The following OTOG variants were observed in gnomAD, a reference collection of about 807,000 sequenced individuals.
OTOG encodes otogelin.
OTOG carries 296 observed loss-of-function variants against 313.8 expected under a neutral mutation model. The ratio of observed to expected loss-of-function variants is 0.94; its 90% CI spans 0.86 to 1.04. OTOG has a LOEUF of 1.04. Ranked by LOEUF, OTOG falls within the 50% of genes least tolerant of loss-of-function variation. OTOG has a pLI of 0.00. For missense variants in OTOG, 3,948 were observed against 3,840.1 expected (o/e 1.03, Z -0.74); for synonymous variants, 1,533 against 1,554.9 (o/e 0.99, Z 0.33).
chr11:17,577,931 CT>C (rs1050190881), intron 22 of OTOG, among the ~76,000 whole-genome samples: 2 of 152,170 alleles, frequency 1.3e-5, no homozygotes, highest in African/African-American at 4.8e-5. Flanking sequence ...TCAGAGTCCT[CT>C]GGCCCCCTGC....
In OTOG at chr11:17,610,814, G is replaced by C; in HGVS notation, c.5514G>C (p.Thr1838=). 6.4e-7 allele frequency: 1 copy of C among 1,550,782 alleles called. No individual in the cohort carries two copies. Among genetic ancestry groups the C allele is most frequent in the Non-Finnish European group, 8.7e-7 (1 of 1,147,016 alleles). The part of the protein sequence containing the change: ...VITTPLQPQA[T]TLPAQTLSPV... ...CCACTCCACTCCAGCCACAGGCCACGACTCTGCCTGCTCAGACACTTAGCC... is the reference window on the plus strand; with the variant it reads ...CCACTCCACTCCAGCCACAGGCCACCACTCTGCCTGCTCAGACACTTAGCC... The change falls in exon 36 of 56, where the codon ACG becomes ACC. Residue 1838 remains threonine (T), a synonymous_variant. Transcript: ENST00000399397.
rs868469656 is a variant in OTOG, at chr11:17,572,026, G to T, written c.1956-54G>T. On this transcript the variant is annotated intron_variant, in intron 17 of 55. Coordinates refer to ENST00000399397, the MANE Select transcript of OTOG (RefSeq NM_001292063.2). ...TGTTACCTGGATCTATGCTATTTGT[G>T]CCCCCTGAGTCCACAGGGGCAAGTG... The T allele has an allele frequency of 1.9e-6, 3 of 1,546,840 alleles. No individual in the cohort carries two copies. In the Middle Eastern group the frequency reaches 5.0e-4, roughly 259 times the overall value.
chr11:17,564,975 T>G (rs4757547), intron 15 of OTOG, among the ~76,000 whole-genome samples: 27,345 of 152,192 alleles, frequency 0.18, 3,039 homozygotes, highest in African/African-American at 0.31. Context: ...TTTTAGAACA[T>G]CTTTAGCTTT....
At chr11:17,613,195 T>TTTCTTTCTTTTC (rs1401646180) in intron 38 of OTOG, among the ~76,000 whole-genome samples, 4 of 65,368 alleles carry the variant, frequency 6.1e-5, no homozygotes, top group East Asian at 4.9e-4. Flanking sequence ...TCTTTCTTTC[T>TTTCTTTCTTTTC]TTTCTTTCTT....
chr11:17,621,786 A>G (rs1381431044), intron 39 of OTOG, among the ~76,000 whole-genome samples: 4 of 152,056 alleles, frequency 2.6e-5, no homozygotes, highest in African/African-American at 9.7e-5. Flanking sequence ...ATTTGTTTCC[A>G]TTTTTTGTTT....
In OTOG at chr11:17,605,841, A is replaced by G. The variant is rs1853369756; in HGVS notation, c.3878-16A>G. ...ACCTCTGCCTGTACTGACTCTCCCC[A>G]TGTGGTTCTCTGCAGACCCAGATGT... On this transcript the variant is annotated splice_polypyrimidine_tract_variant and intron_variant, in intron 32 of 55. Transcript: ENST00000399397. 1.3e-6 allele frequency: 2 copies of G among 1,525,662 alleles called. No individual in the cohort carries two copies. The highest frequency in any genetic ancestry group is 1.8e-6 in the Non-Finnish European group (2 of 1,131,550). 94.5% of individuals were successfully genotyped at this position (1,525,662 alleles called of 1,614,324 possible). A position where few individuals can be genotyped will look rare whatever the true frequency, so the allele number is the denominator to read the frequency against.
Position 17,547,972 on chromosome 11 carries a change from C to T in OTOG, c.140C>T (p.Pro47Leu), listed in dbSNP as rs1404397684. 6 of 584,398 alleles carry T rather than the reference C, an allele frequency of 1.0e-5. No individual in the cohort carries two copies. In the South Asian group the frequency reaches 1.0e-4, roughly 10 times the overall value. The allele number at this position is 584,398 out of a possible 1,614,324, so 36.2% of individuals were successfully genotyped here. Residue 47 changes from proline (P) to leucine (L), a missense_variant, in exon 2 of 56, where the codon CCA becomes CTA. Transcript: ENST00000399397. Reference protein sequence around the residue: ...LWGSAEPQPEPAGQPSSSHQE... With the variant: ...LWGSAEPQPELAGQPSSSHQE... The stretch of plus-strand genomic sequence containing the variant: ...GGCAGTGCAGAGCCACAGCCAGAGC[C>T]AGCCGGGCAACCCAGGTGAGTAGGT...
chr11:17,599,601 G>A, intron 30 of OTOG, 70 bp from the exon 31 acceptor site: 1 of 1,516,102 alleles, frequency 6.6e-7, no homozygotes, highest in Non-Finnish European at 9.0e-7. Context: ...GATGCTGGGA[G>A]CCTTGGCTCT....
chr11:17,609,987 C>A lies in OTOG; in HGVS notation c.4687C>A (p.His1563Asn), dbSNP rs753867468. Reference sequence around the variant, plus strand: ...GACTGCCAGCCTCCTGGCCATCCCCCATACACCAGAGTCCTCATCCCTCCC... The same window carrying A: ...GACTGCCAGCCTCCTGGCCATCCCCAATACACCAGAGTCCTCATCCCTCCC... ...GVTASLLAIP[H>N]TPESSSLPVA... Residue 1563 changes from histidine to asparagine, a missense_variant, in exon 36 of 56, where the codon CAT becomes AAT. By Grantham distance (68) the His-to-Asn change is moderately conservative (BLOSUM62 1). Coordinates refer to ENST00000399397, the MANE Select transcript of OTOG (RefSeq NM_001292063.2). The A allele has an allele frequency of 8.4e-6, 13 of 1,544,026 alleles. No homozygotes were observed. Among genetic ancestry groups the A allele is most frequent in the Non-Finnish European group, 1.1e-5 (13 of 1,142,778 alleles).
intron 32 of OTOG, among the ~76,000 whole-genome samples, chr11:17,603,953 G>A (rs1443969343): frequency 1.3e-5 from 2 of 152,164 alleles, no homozygotes; most frequent in South Asian, 2.1e-4. Flanking sequence ...CTCATGTGCC[G>A]GCACTGTTCT....
intron 24 of OTOG, among the ~76,000 whole-genome samples, chr11:17,591,180 A>G (rs1239559477): frequency 1.3e-5 from 2 of 152,208 alleles, no homozygotes; most frequent in African/African-American, 4.8e-5. Flanking sequence ...ATGGAGTGGT[A>G]AAGGGAGTGT....
Position 17,610,543 on chromosome 11 carries a change from C to T in OTOG, c.5243C>T (p.Ala1748Val), listed in dbSNP as rs1425343951. The change falls in exon 36 of 56, where the codon GCA (alanine) becomes GTA (valine). Residue 1748 changes from alanine to valine, a missense_variant. Transcript: ENST00000399397. Reference sequence around the variant, plus strand: ...CCACAGCCACACCCACTCCCCTCTGCACCACCCCGCCCAGCCCAGCATACC... The same window carrying T: ...CCACAGCCACACCCACTCCCCTCTGTACCACCCCGCCCAGCCCAGCATACC... ...ASPQPHPLPS[A>V]PPRPAQHTTM... 2.6e-6 allele frequency: 4 copies of T among 1,550,490 alleles called. No individual in the cohort carries two copies. The highest frequency in any genetic ancestry group is 2.7e-5 in the African/African-American group (2 of 73,048).
rs1848014306 is a variant in OTOG at position 17,643,486 on chromosome 11, T to C, written c.8441T>C (p.Leu2814Ser). Residue 2814 changes from leucine (L) to serine (S), a missense_variant, in exon 54 of 56, where the codon TTG (leucine) becomes TCG (serine). Transcript: ENST00000399397. ...GTTGGGGGTTCCGTGGTACCTTCCT[T>C]GGAAGGATGCTGCAGGACCTGTGAG... is the stretch of plus-strand genomic sequence containing the variant. ...AKVGGSVVPS[L>S]EGCCRTCKED... 7.0e-7 allele frequency: 1 copy of C among 1,430,764 alleles called. No individual in the cohort carries two copies. The highest frequency in any genetic ancestry group is 9.2e-7 in the Non-Finnish European group (1 of 1,085,322). 88.6% of individuals were successfully genotyped at this position (1,430,764 alleles called of 1,614,324 possible).
intron 34 of OTOG, 62 bp downstream of exon 34, chr11:17,608,475 C>A: frequency 1.8e-6 from 2 of 1,134,992 alleles, no homozygotes; most frequent in Non-Finnish European, 2.4e-6. Context: ...TGTGTGCACT[C>A]ACATACACTT....
intron 9 of OTOG, 36 bp downstream of exon 9, chr11:17,558,351 G>A (rs1467954522): frequency 1.9e-6 from 3 of 1,547,212 alleles, no homozygotes; most frequent in African/African-American, 1.4e-5. Context: ...CTACCCTAGA[G>A]CCTGACTTGC....
At chr11:17,602,170 G>A (rs1374916323) in intron 31 of OTOG, 40 bp from the exon 32 acceptor site, 1 of 1,546,224 alleles carries the variant, frequency 6.5e-7, no homozygotes, top group Non-Finnish European at 8.7e-7. Flanking sequence ...AGGTGGGCAG[G>A]CCATGGGGCC....
At chr11:17,592,139 G>A (rs761955751) in intron 25 of OTOG, among the ~76,000 whole-genome samples, 11 of 152,174 alleles carry the variant, frequency 7.2e-5, no homozygotes, top group Non-Finnish European at 1.3e-4. Flanking sequence ...GAAGAAAACT[G>A]GTGATGTGGG....
chr11:17,630,792 A>G (rs1027407180), intron 40 of OTOG, among the ~76,000 whole-genome samples: 1 of 152,202 alleles, frequency 6.6e-6, no homozygotes, highest in African/African-American at 2.4e-5. Context: ...GCTTGAGCAA[A>G]GTTGTGGGCA....
intron 22 of OTOG, among the ~76,000 whole-genome samples, chr11:17,577,381 GGAT>G (rs939366366): frequency 2.3e-5 from 3 of 132,048 alleles, no homozygotes; most frequent in Non-Finnish European, 3.5e-5. Context: ...AGTGGTCGTG[GGAT>G]GGGGGTCAAC....
Sources: allele counts gnomAD v4.1 joint callset (sites outside exome capture counted in the v4.1 genomes callset), GRCh38; gene constraint gnomAD v4.1.1; transcripts MANE v1.5; gene names NCBI Gene and HGNC (gene_info 2026-07-23, HGNC 2026-07-21).